The following KIF26B variants were observed in gnomAD, a reference collection of about 807,000 sequenced individuals.
KIF26B encodes kinesin family member 26B, also known as kinesin-like protein KIF26B.
KIF26B carries 63 observed loss-of-function variants against 151.2 expected under a neutral mutation model. The observed-to-expected ratio is 0.42, with a 90% confidence interval of 0.34 to 0.51. KIF26B has a LOEUF of 0.51. KIF26B is among the 20% of genes least tolerant of loss of function. KIF26B has a pLI of 0.07. For synonymous variants in KIF26B, 1,357 were observed against 1,262.1 expected (o/e 1.08, Z -1.59); for missense variants, 2,813 against 2,913.6 (o/e 0.97, Z 0.79).
chr1:245,184,212 G>A (rs1228265457), intron 2 of KIF26B, among the ~76,000 whole-genome samples: 1 of 151,668 alleles, frequency 6.6e-6, no homozygotes, highest in Non-Finnish European at 1.5e-5. Context: ...GTCACTGGAT[G>A]GAATGAACTT....
intron 2 of KIF26B, among the ~76,000 whole-genome samples, chr1:245,307,280 G>A (rs141712649): frequency 6.6e-6 from 1 of 152,246 alleles, no homozygotes; most frequent in Non-Finnish European, 1.5e-5. Context: ...TGACAAAGAG[G>A]GACTAGGACG....
intron 6 of KIF26B, among the ~76,000 whole-genome samples, chr1:245,605,352 G>C (rs1306582264): frequency 1.3e-5 from 2 of 152,222 alleles, no homozygotes; most frequent in Admixed American, 6.5e-5. Context: ...CCTGAAAGGA[G>C]GGAGTGTGCG....
chr1:245,221,056 G>A (rs978957875), intron 2 of KIF26B, among the ~76,000 whole-genome samples: 1 of 152,144 alleles, frequency 6.6e-6, no homozygotes, highest in Admixed American at 6.5e-5. Context: ...GGTGTCAGAG[G>A]AGGCACATGG....
chr1:245,216,195 T>C (rs1225536947), intron 2 of KIF26B: 1 of 77,598 alleles, frequency 1.3e-5, no homozygotes, highest in African/African-American at 4.7e-5. Flanking sequence ...TGGGAATTAC[T>C]TGCTTTAAAA....
intron 4 of KIF26B, among the ~76,000 whole-genome samples, chr1:245,481,262 G>T (rs1452722999): frequency 6.6e-6 from 1 of 151,828 alleles, no homozygotes; most frequent in Non-Finnish European, 1.5e-5. Context: ...ACAGCTCTGT[G>T]GCCCTCTCTG....
chr1:245,428,290 T>A (rs560248868), intron 4 of KIF26B, among the ~76,000 whole-genome samples: 1 of 152,316 alleles, frequency 6.6e-6, no homozygotes, highest in African/African-American at 2.4e-5. Flanking sequence ...CATAGTTCTA[T>A]GAATATGGTC....
At chr1:245,265,613 G>A (rs1476897012) in intron 2 of KIF26B, among the ~76,000 whole-genome samples, 2 of 150,450 alleles carry the variant, frequency 1.3e-5, no homozygotes, top group Non-Finnish European at 3.0e-5. Context: ...TTAAAGACAG[G>A]GTCTCACTCT....
intron 5 of KIF26B, among the ~76,000 whole-genome samples, chr1:245,557,879 G>A (rs923935035): frequency 6.6e-5 from 10 of 152,182 alleles, no homozygotes; most frequent in African/African-American, 2.4e-4. Context: ...ATAGGCAGAG[G>A]GTAGAACTGA....
intron 4 of KIF26B, among the ~76,000 whole-genome samples, chr1:245,420,716 G>T (rs116342970): frequency 6.6e-6 from 1 of 152,320 alleles, no homozygotes; most frequent in East Asian, 1.9e-4. Flanking sequence ...CTGCAGGGTC[G>T]CTCCGAAGAC....
intron 2 of KIF26B, among the ~76,000 whole-genome samples, chr1:245,261,494 TCTCTCTCTCCCTCC>T (rs1447809152): frequency 0.016 from 1,784 of 112,394 alleles, 16 homozygotes; most frequent in African/African-American, 0.048. Flanking sequence ...TCTCTCTCTC[TCTCTCTCTCCCTCC>T]CTCCCTCCCT....
chr1:245,668,385 C>T (rs1338905908), intron 10 of KIF26B, among the ~76,000 whole-genome samples: 1 of 152,160 alleles, frequency 6.6e-6, no homozygotes, highest in Non-Finnish European at 1.5e-5. Context: ...TCTTTTCAAA[C>T]AAAATAAACA....
chr1:245,492,034 A>G (rs1660418691), intron 4 of KIF26B, among the ~76,000 whole-genome samples: 1 of 152,228 alleles, frequency 6.6e-6, no homozygotes, highest in Non-Finnish European at 1.5e-5. Flanking sequence ...ATGGAGACAC[A>G]AGCCAGAAAA....
chr1:245,175,995 T>G (rs948627433), intron 2 of KIF26B, among the ~76,000 whole-genome samples: 1 of 149,418 alleles, frequency 6.7e-6, no homozygotes, highest in African/African-American at 2.4e-5. Flanking sequence ...TAGATATAGA[T>G]ATATAGATAT....
intron 4 of KIF26B, among the ~76,000 whole-genome samples, chr1:245,472,898 G>A (rs1229492509): frequency 6.6e-6 from 1 of 152,164 alleles, no homozygotes; most frequent in Non-Finnish European, 1.5e-5. Flanking sequence ...CCCCAGACTG[G>A]GCACAAAGTT....
intron 2 of KIF26B, among the ~76,000 whole-genome samples, chr1:245,327,588 G>A (rs1672016013): frequency 6.6e-6 from 1 of 152,224 alleles, no homozygotes; most frequent in Non-Finnish European, 1.5e-5. Flanking sequence ...TGTGCTGAGA[G>A]AGGGTTTTGT....
chr1:245,519,833 T>C (rs968292805), intron 4 of KIF26B, among the ~76,000 whole-genome samples: 1 of 152,186 alleles, frequency 6.6e-6, no homozygotes, highest in African/African-American at 2.4e-5. Flanking sequence ...GATTATCTTA[T>C]GGGACCACCA....
At chr1:245,209,137 C>T (rs997926688) in intron 2 of KIF26B, among the ~76,000 whole-genome samples, 8 of 152,182 alleles carry the variant, frequency 5.3e-5, no homozygotes, top group African/African-American at 9.7e-5. Flanking sequence ...CAGTGGCTCA[C>T]GCTTGTAATC....
intron 2 of KIF26B, among the ~76,000 whole-genome samples, chr1:245,357,031 T>C (rs1156443163): frequency 6.6e-6 from 1 of 152,120 alleles, no homozygotes. Flanking sequence ...ATTCCTGGTG[T>C]GTTCAAGGAA....
chr1:245,287,117 C>G (rs1671176168), intron 2 of KIF26B, among the ~76,000 whole-genome samples: 1 of 152,042 alleles, frequency 6.6e-6, no homozygotes, highest in Non-Finnish European at 1.5e-5. Context: ...TCAAAAAAAA[C>G]AAAATTTTTT....
Sources: allele counts gnomAD v4.1 joint callset (sites outside exome capture counted in the v4.1 genomes callset), GRCh38; gene constraint gnomAD v4.1.1; transcripts MANE v1.5; gene names NCBI Gene and HGNC (gene_info 2026-07-23, HGNC 2026-07-21).